CELF5: variants seen among roughly 807,000 people sequenced by gnomAD.
The protein encoded by CELF5 is CUG-BP and ETR-3 like factor 5.
In CELF5, 6 loss-of-function variants were observed where a neutral mutation model predicts 54.9. The ratio of observed to expected loss-of-function variants is 0.11; its 90% CI spans 0.06 to 0.22. The LOEUF (loss-of-function observed/expected upper bound fraction) is 0.22. Ranked by LOEUF, CELF5 falls within the 10% of genes least tolerant of loss-of-function variation. The probability of loss-of-function intolerance (pLI) is 1.00; values close to 1 mark genes in which losing one functional copy is unlikely to be tolerated. For synonymous variants in CELF5, 271 were observed against 290.9 expected (o/e 0.93, Z 0.70); for missense variants, 401 against 678.6 (o/e 0.59, Z 4.54).
intron 12 of CELF5, 65 bp from the exon 13 acceptor site, chr19:3,296,693 T>C (rs1163635425): frequency 6.6e-6 from 1 of 152,180 alleles, no homozygotes; most frequent in African/African-American, 2.4e-5. Context: ...CGGTGTGCAG[T>C]TGTACGTGTC....
At position 3,290,348 on chromosome 19, in the gene CELF5, G is replaced by C; in HGVS notation, c.1304G>C (p.Arg435Pro). Residue 435 changes from arginine to proline, a missense_variant, in exon 11 of 13, where the codon CGA becomes CCA. By Grantham distance (103) the Arg-to-Pro change is moderately radical (BLOSUM62 -2). Coordinates refer to ENST00000292672, the MANE Select transcript of CELF5 (RefSeq NM_021938.4). Reference sequence around the variant, plus strand: ...ATTTCCTCCAAGGTGTTTATGGATCGAGCTACCAACCAGAGCAAGTGTTTC... The same window carrying C: ...ATTTCCTCCAAGGTGTTTATGGATCCAGCTACCAACCAGAGCAAGTGTTTC... ...NIISSKVFMD[R>P]ATNQSKCFGF... The C allele has an allele frequency of 6.2e-7, 1 of 1,613,780 alleles. No homozygotes were observed. The highest frequency in any genetic ancestry group is 1.1e-5 in the South Asian group (1 of 91,058).
chr19:3,275,980 CA>C lies in CELF5; in HGVS notation c.522del (p.Gly175AlafsTer5), dbSNP rs1329862129. ...TGCTCCGGGGGCCTGACGGCAGCAG[CA>C]AAGGTGACTGGCGGGGGCCGGGGCG... ...TVLRGPDGSS[K>X]GCAFVKFSSH... On this transcript the variant is annotated frameshift_variant, in exon 4 of 13. Transcript: ENST00000292672. LOFTEE classifies it high-confidence loss of function. This position sits in a 1 kb window ranked among gnomAD's most constrained non-coding sequence, Gnocchi z 6.7. The C allele has an allele frequency of 7.2e-7, 1 of 1,390,904 alleles. No homozygotes were observed. The highest frequency in any genetic ancestry group is 3.7e-5 in the East Asian group (1 of 26,744). The allele number at this position is 1,390,904 out of a possible 1,614,324, so 86.2% of individuals were successfully genotyped here.
At chr19:3,265,567 C>G (rs2079870572) in intron 2 of CELF5, among the ~76,000 whole-genome samples, 2 of 152,108 alleles carry the variant, frequency 1.3e-5, no homozygotes. Context: ...TATCTTGAGA[C>G]ACTCCCACCC....
chr19:3,224,789 T>C lies in CELF5; in HGVS notation c.50T>C (p.Leu17Pro). Residue 17 changes from leucine to proline, a missense_variant, in exon 1 of 13, where the codon CTG becomes CCG. Physicochemically the swap from Leu to Pro is moderately conservative, Grantham distance 98. Around this residue, in one of 6 missense-constraint regions of CELF5, gnomAD observed 46 missense variants for 55.0 expected, o/e 0.84. Transcript: ENST00000292672. ...GCGCGCCGGCAGCAGCAGCAGCTCC[T>C]GCAGCCGCGGCCCTCGCCCGTGGGC... The part of the protein sequence containing the change: ...SEARRQQQQL[L>P]QPRPSPVGSS... 1 of 1,496,440 alleles carries C rather than the reference T, an allele frequency of 6.7e-7. No individual in the cohort carries two copies. The highest frequency in any genetic ancestry group is 1.3e-5 in the South Asian group (1 of 78,888). 92.7% of individuals were successfully genotyped at this position (1,496,440 alleles called of 1,614,324 possible). A position where few individuals can be genotyped will look rare whatever the true frequency, so the allele number is the denominator to read the frequency against.
chr19:3,282,673 TAA>T lies in CELF5; in HGVS notation c.1039+176_1039+177del, dbSNP rs1035650305. Among the ~76,000 whole-genome samples, 1 of 152,068 alleles carries T rather than the reference TAA, an allele frequency of 6.6e-6. No homozygotes were observed. Among genetic ancestry groups the T allele is most frequent in the African/African-American group, 2.4e-5 (1 of 41,416 alleles). ...CACAGGAAGGGAGGCCGTGGCAGGGTAATAACACATTAAAACGGTGCATCTGG... is the reference window on the plus strand; with the variant it reads ...CACAGGAAGGGAGGCCGTGGCAGGGTTAACACATTAAAACGGTGCATCTGG... On this transcript the variant is annotated intron_variant, in intron 8 of 12. Coordinates refer to ENST00000292672, the MANE Select transcript of CELF5 (RefSeq NM_021938.4). This position sits in a 1 kb window ranked among gnomAD's most constrained non-coding sequence, Gnocchi z 5.2.
rs1223000953 is a variant in CELF5 at position 3,267,336 on chromosome 19, A to T, written c.343-6536A>T. Among the ~76,000 whole-genome samples the T allele has an allele frequency of 2.6e-5, 4 of 151,950 alleles. No homozygotes were observed. The East Asian group carries it at 7.7e-4, about 29-fold the overall frequency. On this transcript the variant is annotated intron_variant, in intron 2 of 12. Transcript: ENST00000292672. Reference sequence around the variant, plus strand: ...AGTGTGACAGCAGTGTCCATGGGGGACGTAGTTTAATCAACTCTCAGCATT... The same window carrying T: ...AGTGTGACAGCAGTGTCCATGGGGGTCGTAGTTTAATCAACTCTCAGCATT...
intron 1 of CELF5, among the ~76,000 whole-genome samples, chr19:3,235,646 GTGGATGGA>G (rs1273273181): frequency 4.3e-4 from 19 of 44,634 alleles, no homozygotes; most frequent in East Asian, 7.5e-4. Flanking sequence ...GGGTGGATGA[GTGGATGGA>G]TGGATGGATG....
chr19:3,225,086 C>T, intron 1 of CELF5, 88 bp downstream of exon 1: 2 of 849,678 alleles, frequency 2.4e-6, no homozygotes, highest in East Asian at 3.3e-5. Context: ...CACCATCCCT[C>T]CTCTGCTCAC....
At position 3,268,979 on chromosome 19, in the gene CELF5, C is replaced by G. The variant is rs925723129; in HGVS notation, c.343-4893C>G. Among the ~76,000 whole-genome samples the G allele has an allele frequency of 9.2e-5, 14 of 152,202 alleles. No homozygotes were observed. In the East Asian group the frequency reaches 2.7e-3, roughly 29 times the overall value. On this transcript the variant is annotated intron_variant, in intron 2 of 12. Coordinates refer to ENST00000292672, the MANE Select transcript of CELF5 (RefSeq NM_021938.4). The surrounding 1 kb of genome is among the most constrained non-coding windows in gnomAD (Gnocchi z 4.4). ...CAAATGCCAGGATCAAGGGCTGAGCCTCTACCCAGAGAGCAATAGGGAGCC... is the reference window on the plus strand; with the variant it reads ...CAAATGCCAGGATCAAGGGCTGAGCGTCTACCCAGAGAGCAATAGGGAGCC...
intron 1 of CELF5, among the ~76,000 whole-genome samples, chr19:3,238,617 G>A (rs1345494611): frequency 6.6e-6 from 1 of 152,016 alleles, no homozygotes; most frequent in East Asian, 1.9e-4. Flanking sequence ...GTGCGTCTGC[G>A]TCTCCTCTCC....
At chr19:3,269,458 G>A (rs940303267) in intron 2 of CELF5, among the ~76,000 whole-genome samples, 4 of 152,116 alleles carry the variant, frequency 2.6e-5, no homozygotes, top group East Asian at 1.9e-4. Context: ...GGTTACAGGC[G>A]TGAGCCACCG....
At chr19:3,293,089 C>T (rs542127294) in intron 11 of CELF5, among the ~76,000 whole-genome samples, 3 of 152,236 alleles carry the variant, frequency 2.0e-5, no homozygotes, top group African/African-American at 7.2e-5. Context: ...TCAGCACAGC[C>T]GACCCCAAGA....
intron 2 of CELF5, 35 bp downstream of exon 2, chr19:3,251,102 AG>A: frequency 7.5e-7 from 1 of 1,334,364 alleles, no homozygotes; most frequent in Non-Finnish European, 1.1e-6. Flanking sequence ...AGGAGGGGAC[AG>A]GGGATGGCTC....
chr19:3,244,643 A>C (rs1180256798), intron 1 of CELF5, among the ~76,000 whole-genome samples: 3 of 134,794 alleles, frequency 2.2e-5, no homozygotes, highest in African/African-American at 8.6e-5. Flanking sequence ...TGGTGTGTGT[A>C]TGTATCTGTG....
rs141429484 is a variant in CELF5 at position 3,280,552 on chromosome 19, G to A, written c.604-647G>A. ...ATCGCGCCATTGCACTCCAGCCTGG[G>A]CAACAAGAGCGAAACTCCGTCTCAA... On this transcript the variant is annotated intron_variant, in intron 5 of 12. Coordinates refer to ENST00000292672, the MANE Select transcript of CELF5 (RefSeq NM_021938.4). 2.4e-3 allele frequency among the ~76,000 whole-genome samples: 365 copies of A among 152,234 alleles called. 1 individual carries two copies. The highest frequency in any genetic ancestry group is 8.4e-3 in the African/African-American group (347 of 41,524).
chr19:3,236,914 G>A (rs558141111), intron 1 of CELF5, among the ~76,000 whole-genome samples: 7 of 151,718 alleles, frequency 4.6e-5, no homozygotes, highest in Admixed American at 3.9e-4. Flanking sequence ...GCTTGAACCC[G>A]GGAGGCGGAG....
intron 1 of CELF5, among the ~76,000 whole-genome samples, chr19:3,243,205 G>T (rs990831911): frequency 6.6e-6 from 1 of 151,622 alleles, no homozygotes; most frequent in Non-Finnish European, 1.5e-5. Flanking sequence ...TTGTTTTGGG[G>T]TATTTGTGTA....
chr19:3,248,625 G>A (rs1231600932), intron 1 of CELF5, among the ~76,000 whole-genome samples: 1 of 152,130 alleles, frequency 6.6e-6, no homozygotes, highest in African/African-American at 2.4e-5. Context: ...GTGAATGGAC[G>A]CCTGGGTTGC....
At chr19:3,235,556 G>A (rs1215742660) in intron 1 of CELF5, among the ~76,000 whole-genome samples, 1 of 109,830 alleles carries the variant, frequency 9.1e-6, no homozygotes, top group Admixed American at 9.0e-5. Context: ...GTGGATGAGT[G>A]GATGGGTGGA....
Sources: allele counts gnomAD v4.1 joint callset (sites outside exome capture counted in the v4.1 genomes callset), GRCh38; gene constraint gnomAD v4.1.1; regional missense constraint gnomAD v4.1.1; non-coding constraint Gnocchi (gnomAD v3.1); transcripts MANE v1.5; gene names NCBI Gene and HGNC (gene_info 2026-07-23, HGNC 2026-07-21).